ODAD2: variants seen among roughly 807,000 people sequenced by gnomAD.
ODAD2 encodes the protein outer dynein arm docking complex subunit 2, also known as outer dynein arm-docking complex subunit 2.
ODAD2 carries 89 observed loss-of-function variants against 106.8 expected under a neutral mutation model. That is an observed-to-expected ratio of 0.83 (90% confidence interval 0.70 to 0.99). The LOEUF (loss-of-function observed/expected upper bound fraction) is 0.99. Ranked by LOEUF, ODAD2 falls within the 50% of genes least tolerant of loss-of-function variation. The probability of loss-of-function intolerance (pLI) is 0.00; values close to 1 mark genes in which losing one functional copy is unlikely to be tolerated. For synonymous variants in ODAD2, 404 were observed against 436.2 expected (o/e 0.93, Z 0.92); for missense variants, 1,168 against 1,238.5 (o/e 0.94, Z 0.85).
chr10:27,892,914 C>T (rs1006840082), intron 17 of ODAD2, among the ~76,000 whole-genome samples: 8 of 152,078 alleles, frequency 5.3e-5, no homozygotes, highest in African/African-American at 1.4e-4. Context: ...TTTGGGAGGC[C>T]GAGGCGAGCA....
chr10:27,986,276 C>T (rs987651525), intron 3 of ODAD2, among the ~76,000 whole-genome samples: 20 of 152,100 alleles, frequency 1.3e-4, no homozygotes, highest in Non-Finnish European at 2.1e-4. Flanking sequence ...ATGGCATAAA[C>T]CTGACTACCA....
chr10:27,834,144 GA>G (rs2133037880), intron 19 of ODAD2, among the ~76,000 whole-genome samples: 1 of 152,318 alleles, frequency 6.6e-6, no homozygotes, highest in East Asian at 1.9e-4. Flanking sequence ...CAAGTCCTAT[GA>G]ATGCATTGAT....
intron 9 of ODAD2, 56 bp downstream of exon 9, chr10:27,968,867 T>C: frequency 2.0e-6 from 1 of 502,558 alleles, no homozygotes; most frequent in South Asian, 2.1e-5. Context: ...GCATGCTCAG[T>C]AGCCCACTGC....
At position 27,812,604 on chromosome 10, in the gene ODAD2, A is replaced by T. The variant is rs1835827407; in HGVS notation, c.3043T>A (p.Ser1015Thr). ...GCTTCCTGGAGATCCTGGTCAGGGG[A>T]CCCAACCATATCCAGTAGAAGCTGT... ...AVKLLLDMVG[S>T]PDQDLQEAAA... The change falls in exon 20 of 20, where the codon TCC (serine) becomes ACC (threonine). Residue 1015 changes from serine to threonine, a missense_variant. Transcript: ENST00000305242. 6.2e-7 allele frequency: 1 copy of T among 1,611,340 alleles called. No homozygotes were observed. The highest frequency in any genetic ancestry group is 8.5e-7 in the Non-Finnish European group (1 of 1,179,354).
chr10:27,852,034 T>C (rs1286452858), intron 19 of ODAD2, among the ~76,000 whole-genome samples: 3 of 152,202 alleles, frequency 2.0e-5, no homozygotes, highest in Non-Finnish European at 4.4e-5. Flanking sequence ...ATGTTTAAAG[T>C]TGGGAAAGAA....
intron 19 of ODAD2, among the ~76,000 whole-genome samples, chr10:27,830,461 C>G (rs1260611698): frequency 6.6e-6 from 1 of 152,134 alleles, no homozygotes; most frequent in Admixed American, 6.5e-5. Flanking sequence ...TGATAGATAG[C>G]CTTGCTTAAT....
At chr10:27,856,332 A>G (rs1233858913) in intron 19 of ODAD2, among the ~76,000 whole-genome samples, 4 of 152,184 alleles carry the variant, frequency 2.6e-5, no homozygotes, top group East Asian at 3.9e-4. Context: ...ATTTTTCAAC[A>G]TAAGTGGATC....
intron 17 of ODAD2, among the ~76,000 whole-genome samples, chr10:27,884,281 T>A (rs1393992493): frequency 6.6e-6 from 1 of 152,146 alleles, no homozygotes; most frequent in Admixed American, 6.5e-5. Context: ...ACCCTCATTC[T>A]CCTATGGAAA....
In ODAD2 at chr10:27,944,263, C is replaced by T. The variant is rs1371005722; in HGVS notation, c.1702G>A (p.Ala568Thr). Residue 568 changes from alanine (A) to threonine (T), a missense_variant, in exon 12 of 20, where the codon GCA (alanine) becomes ACA (threonine). By Grantham distance (58) the Ala-to-Thr change is moderately conservative. Coordinates refer to ENST00000305242, the MANE Select transcript of ODAD2 (RefSeq NM_018076.5). ...CCGTGCTGCCTCACCACCCGCCGTGCTCTTTTAAACTTGGCAACATTCGCG... is the reference window on the plus strand; with the variant it reads ...CCGTGCTGCCTCACCACCCGCCGTGTTCTTTTAAACTTGGCAACATTCGCG... Reference protein sequence around the residue: ...TIANVAKFKRARRVVRQHGGI... With the variant: ...TIANVAKFKRTRRVVRQHGGI... 7.4e-6 allele frequency: 12 copies of T among 1,613,658 alleles called. No homozygotes were observed. The highest frequency in any genetic ancestry group is 2.7e-5 in the African/African-American group (2 of 74,884).
chr10:27,860,810 T>C lies in ODAD2; in HGVS notation c.2836A>G (p.Ile946Val), dbSNP rs776203658. 2 of 1,614,160 alleles carry C rather than the reference T, an allele frequency of 1.2e-6. No individual in the cohort carries two copies. The highest frequency in any genetic ancestry group is 1.1e-5 in the South Asian group (1 of 91,084). Residue 946 changes from isoleucine to valine, a missense_variant, in exon 19 of 20, where the codon ATT (isoleucine) becomes GTT (valine). Coordinates refer to ENST00000305242, the MANE Select transcript of ODAD2 (RefSeq NM_018076.5). Reference sequence around the variant, plus strand: ...CTGCCCCACATACAGCAACGTGAAATAGCTTCTGCTAGATGATGTCTCAAT... The same window carrying C: ...CTGCCCCACATACAGCAACGTGAAACAGCTTCTGCTAGATGATGTCTCAAT... Reference protein sequence around the residue: ...NKLRHHLAEAISRCCMWGRNR... With the variant: ...NKLRHHLAEAVSRCCMWGRNR...
intron 16 of ODAD2, among the ~76,000 whole-genome samples, chr10:27,918,034 T>A (rs1338782920): frequency 6.6e-6 from 1 of 151,788 alleles, no homozygotes; most frequent in Non-Finnish European, 1.5e-5. Context: ...AAAAACCAAT[T>A]AAAAAGGAAT....
At position 27,936,812 on chromosome 10, in the gene ODAD2, T is replaced by C. The variant is rs772901515; in HGVS notation, c.2166A>G (p.Leu722=). Residue 722 remains leucine (L), a synonymous_variant, in exon 15 of 20, where the codon CTA becomes CTG. Coordinates refer to ENST00000305242, the MANE Select transcript of ODAD2 (RefSeq NM_018076.5). ...GCTCTTTATTGTCAGTGTTATTGAG[T>C]AGACTGGCCAAGGGCTTAAGTCCTC... ...LHGGLKPLAS[L]LNNTDNKERL... is the part of the protein sequence containing the mutation. 4.3e-6 allele frequency: 7 copies of C among 1,613,816 alleles called. No homozygotes were observed. Among genetic ancestry groups the C allele is most frequent in the Middle Eastern group, 1.6e-4 (1 of 6,078 alleles).
At chr10:27,883,630 G>A (rs1366323512) in intron 17 of ODAD2, among the ~76,000 whole-genome samples, 5 of 152,050 alleles carry the variant, frequency 3.3e-5, no homozygotes, top group South Asian at 2.1e-4. Flanking sequence ...ACATATTTGC[G>A]AAACTAAAGG....
chr10:27,986,556 A>G (rs557612931), intron 3 of ODAD2, among the ~76,000 whole-genome samples: 9 of 152,306 alleles, frequency 5.9e-5, no homozygotes, highest in African/African-American at 1.9e-4. Context: ...AGAGGTTGCC[A>G]TCCTGAGGTT....
intron 9 of ODAD2, among the ~76,000 whole-genome samples, chr10:27,966,200 A>T (rs1056775597): frequency 3.9e-5 from 6 of 152,348 alleles, no homozygotes; most frequent in Non-Finnish European, 7.3e-5. Context: ...GGACCCTGGA[A>T]GAGGGAAAGC....
At chr10:27,885,826 T>TAA (rs1413850193) in intron 17 of ODAD2, among the ~76,000 whole-genome samples, 5 of 97,514 alleles carry the variant, frequency 5.1e-5, no homozygotes, top group Non-Finnish European at 9.5e-5. Context: ...ATATAATATA[T>TAA]AAATATATAT....
intron 5 of ODAD2, 44 bp downstream of exon 5, chr10:27,984,140 T>C: frequency 5.2e-6 from 8 of 1,529,084 alleles, no homozygotes; most frequent in Non-Finnish European, 7.2e-6. Flanking sequence ...AATGTAATTA[T>C]GAAAATGTAA....
chr10:27,910,462 CAG>C (rs1291246906), intron 16 of ODAD2, among the ~76,000 whole-genome samples: 1 of 152,038 alleles, frequency 6.6e-6, no homozygotes, highest in African/African-American at 2.4e-5. Flanking sequence ...ACAGAAATAA[CAG>C]ATACACTTGG....
At position 27,939,975 on chromosome 10, in the gene ODAD2, C is replaced by A; in HGVS notation, c.2019G>T (p.Arg673Ser). The A allele has an allele frequency of 1.2e-6, 2 of 1,610,822 alleles. No homozygotes were observed. The highest frequency in any genetic ancestry group is 1.7e-6 in the Non-Finnish European group (2 of 1,178,654). Residue 673 changes from arginine (R) to serine (S), a missense_variant, in exon 14 of 20, where the codon AGG becomes AGT. This residue lies in a region of ODAD2 where 701 missense variants were observed against 712.3 expected (regional missense o/e 0.98). Coordinates refer to ENST00000305242, the MANE Select transcript of ODAD2 (RefSeq NM_018076.5). ...GGTTCTTGACAAGGTTTTCAATGAT[C>A]CTTTCTGCTTTGATTGCAGCCCGGT... ...ENYRAAIKAE[R>S]IIENLVKNLN...
Sources: allele counts gnomAD v4.1 joint callset (sites outside exome capture counted in the v4.1 genomes callset), GRCh38; gene constraint gnomAD v4.1.1; regional missense constraint gnomAD v4.1.1; transcripts MANE v1.5; gene names NCBI Gene and HGNC (gene_info 2026-07-23, HGNC 2026-07-21).